LRRC75A: variants seen among roughly 807,000 people sequenced by gnomAD.
LRRC75A encodes leucine-rich repeat-containing protein 75A.
In LRRC75A, 12 loss-of-function variants were observed where a neutral mutation model predicts 26.0. The ratio of observed to expected loss-of-function variants is 0.46; its 90% confidence interval spans 0.30 to 0.75. The LOEUF is 0.75. Among genes scored for constraint, LRRC75A ranks in the 30% least tolerant of loss-of-function variants. The probability of loss-of-function intolerance (pLI) is 0.08; values close to 1 mark genes in which losing one functional copy is unlikely to be tolerated. For synonymous variants in LRRC75A, 223 were observed against 219.3 expected, an observed-to-expected ratio of 1.02 and a Z score of -0.15; for missense variants, 410 against 486.6, an observed-to-expected ratio of 0.84 and a Z score of 1.48.
intron 2 of LRRC75A, among the ~76,000 whole-genome samples, chr17:16,456,190 G>GGT (rs2093678266): frequency 1.8e-5 from 1 of 54,644 alleles, no homozygotes; most frequent in Non-Finnish European, 3.9e-5. Context: ...AGGAAGAGGA[G>GGT]GAAGGAGGAG....
At chr17:16,477,916 G>A (rs1391448287) in intron 1 of LRRC75A, among the ~76,000 whole-genome samples, 1 of 152,130 alleles carries the variant, frequency 6.6e-6, no homozygotes, top group South Asian at 2.1e-4. Context: ...GAGACACCGG[G>A]AGGGAGGAGG....
intron 1 of LRRC75A, among the ~76,000 whole-genome samples, chr17:16,487,857 GC>G (rs2093850093): frequency 6.6e-6 from 1 of 152,182 alleles, no homozygotes; most frequent in Non-Finnish European, 1.5e-5. Context: ...CCACTGGGAG[GC>G]CCAAACAAGT....
intron 2 of LRRC75A, among the ~76,000 whole-genome samples, chr17:16,456,259 C>G (rs1216902193): frequency 4.7e-5 from 4 of 85,328 alleles, no homozygotes; most frequent in Admixed American, 1.6e-4. Flanking sequence ...GGAAGAGGAT[C>G]AGGAAGAGGA....
intron 1 of LRRC75A, among the ~76,000 whole-genome samples, chr17:16,473,097 A>C (rs549754535): frequency 6.6e-6 from 1 of 152,236 alleles, no homozygotes; most frequent in East Asian, 1.9e-4. Context: ...TATATATTGA[A>C]TATTGAGAAA....
chr17:16,477,975 C>A (rs950816088), intron 1 of LRRC75A, among the ~76,000 whole-genome samples: 2 of 151,664 alleles, frequency 1.3e-5, no homozygotes, highest in Admixed American at 1.3e-4. Context: ...ACAGCCAATG[C>A]AATGGGTCAG....
Position 16,462,254 on chromosome 17 carries a change from C to G in LRRC75A, c.375+4G>C, listed in dbSNP as rs368992233. 2 of 1,614,010 alleles carry G rather than the reference C, an allele frequency of 1.2e-6. No homozygotes were observed. Among genetic ancestry groups the G allele is most frequent in the Non-Finnish European group, 1.7e-6 (2 of 1,179,950 alleles). ...CTGGCTGGCTCGGACCACAGCCACC[C>G]TACCGGCTTGGGACAGTGGATGTAG... On this transcript the variant is annotated splice_donor_region_variant and intron_variant, in intron 2 of 3. Coordinates refer to ENST00000470794, the MANE Select transcript of LRRC75A (RefSeq NM_001113567.3). The surrounding 1 kb of genome is among the most constrained non-coding windows in gnomAD (Gnocchi z 4.6).
At chr17:16,466,336 T>C (rs2093768657) in intron 1 of LRRC75A, among the ~76,000 whole-genome samples, 1 of 152,162 alleles carries the variant, frequency 6.6e-6, no homozygotes, top group Admixed American at 6.5e-5. Flanking sequence ...CTGCCCTCCT[T>C]CTCAGGAAGA....
intron 3 of LRRC75A, chr17:16,446,946 G>A: frequency 3.4e-6 from 1 of 297,398 alleles, no homozygotes; most frequent in Non-Finnish European, 6.3e-6. Flanking sequence ...GGGGTGGGGG[G>A]CGGGTCCAGA....
At position 16,486,117 on chromosome 17, in the gene LRRC75A, A is replaced by C. The variant is rs150595457; in HGVS notation, c.246+5628T>G. Among the ~76,000 whole-genome samples the C allele has an allele frequency of 2.4e-3, 372 of 152,254 alleles. 3 individuals are homozygous for C. Among genetic ancestry groups the C allele is most frequent in the African/African-American group, 8.6e-3 (356 of 41,546 alleles). On this transcript the variant is annotated intron_variant, in intron 1 of 3. Coordinates refer to ENST00000470794, the MANE Select transcript of LRRC75A (RefSeq NM_001113567.3). ...TTCTGTAAGAATTTCCTGAAAACAG[A>C]CTGTGTGCCAGTTTTTATGGCCTCT...
At chr17:16,488,307 G>C (rs1416152946) in intron 1 of LRRC75A, among the ~76,000 whole-genome samples, 1 of 152,216 alleles carries the variant, frequency 6.6e-6, no homozygotes, top group Non-Finnish European at 1.5e-5. Flanking sequence ...ACGAGCATTC[G>C]CTCCAGATGC....
intron 1 of LRRC75A, among the ~76,000 whole-genome samples, chr17:16,486,184 G>A (rs11078349): frequency 0.23 from 34,714 of 152,092 alleles, 4,068 homozygotes; most frequent in Middle Eastern, 0.39. Context: ...ACACTGGGGG[G>A]AGGGGAGGGT....
chr17:16,479,755 T>TC (rs1467466138), intron 1 of LRRC75A, among the ~76,000 whole-genome samples: 1 of 152,216 alleles, frequency 6.6e-6, no homozygotes, highest in Non-Finnish European at 1.5e-5. Context: ...TGGGAACACC[T>TC]CTTCAGGTCA....
intron 3 of LRRC75A, among the ~76,000 whole-genome samples, chr17:16,444,615 T>C (rs931275070): frequency 1.3e-5 from 2 of 151,982 alleles, no homozygotes; most frequent in African/African-American, 2.4e-5. Context: ...GGATTCCCTA[T>C]GGGGAGCCTG....
intron 2 of LRRC75A, among the ~76,000 whole-genome samples, chr17:16,459,629 G>A (rs527869190): frequency 5.9e-5 from 9 of 152,338 alleles, no homozygotes; most frequent in East Asian, 1.9e-4. Flanking sequence ...AGTGAGGTCC[G>A]TGTAGTATCC....
At position 16,443,813 on chromosome 17, in the gene LRRC75A, G is replaced by T. The variant is rs1195502454; in HGVS notation, c.810C>A (p.Asn270Lys). 6.2e-7 allele frequency: 1 copy of T among 1,614,022 alleles called. No homozygotes were observed. Reference sequence around the variant, plus strand: ...GGGGCAAGGAGAAGATGTCCACGTTGTTGCCCAGGTCAATCCACGTGACAT... The same window carrying T: ...GGGGCAAGGAGAAGATGTCCACGTTTTTGCCCAGGTCAATCCACGTGACAT... Reference protein sequence around the residue: ...FPNVTWIDLGNNVDIFSLPQP... With the variant: ...FPNVTWIDLGKNVDIFSLPQP... The change falls in exon 4 of 4, where the codon AAC (asparagine) becomes AAA (lysine). Residue 270 changes from asparagine to lysine, a missense_variant. Coordinates refer to ENST00000470794, the MANE Select transcript of LRRC75A (RefSeq NM_001113567.3).
intron 3 of LRRC75A, chr17:16,446,988 C>A: frequency 5.6e-6 from 2 of 355,210 alleles, no homozygotes; most frequent in Non-Finnish European, 1.1e-5. Flanking sequence ...CTTTCTTCTC[C>A]ATGAGGGAGG....
In LRRC75A at chr17:16,462,968, A is replaced by G; in HGVS notation, c.247-582T>C. The G allele has an allele frequency of 6.5e-6, 1 of 155,016 alleles. No homozygotes were observed. The highest frequency in any genetic ancestry group is 1.4e-5 in the Non-Finnish European group (1 of 69,818). 9.6% of individuals were successfully genotyped at this position (155,016 alleles called of 1,614,324 possible). A position where few individuals can be genotyped will look rare whatever the true frequency, so the allele number is the denominator to read the frequency against. On this transcript the variant is annotated intron_variant, in intron 1 of 3. Coordinates refer to ENST00000470794, the MANE Select transcript of LRRC75A (RefSeq NM_001113567.3). This position sits in a 1 kb window ranked among gnomAD's most constrained non-coding sequence, Gnocchi z 4.6. ...TACTGAGTGGAATCTTCCCGATGGG[A>G]GGGGAGCAGCTTGGAGGCGAGTGCT...
intron 2 of LRRC75A, among the ~76,000 whole-genome samples, chr17:16,455,018 C>T (rs1159878706): frequency 3.3e-5 from 5 of 151,934 alleles, no homozygotes; most frequent in African/African-American, 1.2e-4. Flanking sequence ...TTGCAACCTC[C>T]GTCTCCCAGG....
chr17:16,468,324 G>T (rs1394762022), intron 1 of LRRC75A, among the ~76,000 whole-genome samples: 1 of 152,240 alleles, frequency 6.6e-6, no homozygotes, highest in Non-Finnish European at 1.5e-5. Flanking sequence ...ATGAACAGAT[G>T]AATGGGTACA....
Sources: allele counts gnomAD v4.1 joint callset (sites outside exome capture counted in the v4.1 genomes callset), GRCh38; gene constraint gnomAD v4.1.1; non-coding constraint Gnocchi (gnomAD v3.1); transcripts MANE v1.5; gene names NCBI Gene and HGNC (gene_info 2026-07-23, HGNC 2026-07-21).